Variants in PCDHGA1 observed in about 807,000 individuals in gnomAD.
PCDHGA1 encodes the protein protocadherin gamma-A1.
Under a neutral mutation model 58.0 loss-of-function variants are expected in PCDHGA1, and 32 were observed. That is an observed-to-expected ratio of 0.55 (90% CI 0.42 to 0.74). The LOEUF (loss-of-function observed/expected upper bound fraction) is 0.74, where lower values mean the gene tolerates loss of function less well. Among genes scored for constraint, PCDHGA1 ranks in the 30% least tolerant of loss-of-function variants. The probability of loss-of-function intolerance (pLI) is 0.00; values close to 1 mark genes in which losing one functional copy is unlikely to be tolerated. For synonymous variants in PCDHGA1, 498 were observed against 501.1 expected (o/e 0.99, Z 0.08); for missense variants, 1,205 against 1,182.3 (o/e 1.02, Z -0.28).
chr5:141,341,261 C>G, intron 1 of PCDHGA1: 1 of 1,614,198 alleles, frequency 6.2e-7, no homozygotes, highest in Non-Finnish European at 8.5e-7. Context: ...TGCGGACTCG[C>G]GGAAGAGCCA....
At chr5:141,364,497 C>T (rs768698440) in intron 1 of PCDHGA1, 1 of 1,614,016 alleles carries the variant, frequency 6.2e-7, no homozygotes. Flanking sequence ...GGGCTGGAGC[C>T]CCAGGAGCTG....
At chr5:141,394,530 A>C in intron 1 of PCDHGA1, 1 of 1,614,140 alleles carries the variant, frequency 6.2e-7, no homozygotes, top group African/African-American at 1.3e-5. Flanking sequence ...AGACGGTTCC[A>C]CTGGCGTGGA....
intron 1 of PCDHGA1, 162 bp from the exon 2 acceptor site, chr5:141,494,645 G>A: frequency 1.1e-6 from 1 of 935,948 alleles, no homozygotes. Flanking sequence ...GAGACCTGAG[G>A]TGTATTTTGT....
chr5:141,486,637 G>A lies in PCDHGA1; in HGVS notation c.2422-8170G>A, dbSNP rs761072169. On this transcript the variant is annotated intron_variant, in intron 1 of 3. Transcript: ENST00000517417. The surrounding 1 kb of genome is among the most constrained non-coding windows in gnomAD (Gnocchi z 5.0). ...CTGACCCAGACTCTGGCTTGAATGC[G>A]CTTATCTCCTACTCACTCCTGGAGC... 3.1e-5 allele frequency: 50 copies of A among 1,613,520 alleles called. No individual in the cohort carries two copies. The highest frequency in any genetic ancestry group is 5.0e-5 in the Admixed American group (3 of 60,000).
rs1257609378 is a variant in PCDHGA1 at position 141,385,552 on chromosome 5, T to TA, written c.2421+52447_2421+52448insA. Reference sequence around the variant, plus strand: ...ATTATGAATATGTGGACTATCACATTTTATAATTTCCACCTACTTTCCAAT... The same window carrying TA: ...ATTATGAATATGTGGACTATCACATTATTATAATTTCCACCTACTTTCCAAT... On this transcript the variant is annotated intron_variant, in intron 1 of 3. Transcript: ENST00000517417. 1.1e-5 allele frequency: 14 copies of TA among 1,315,750 alleles called. No individual in the cohort carries two copies. The African/African-American group carries it at 2.1e-4, about 20-fold the overall frequency. The allele number at this position is 1,315,750 out of a possible 1,614,324, so 81.5% of individuals were successfully genotyped here. A position where few individuals can be genotyped will look rare whatever the true frequency, so the allele number is the denominator to read the frequency against.
rs1210809217 is a variant in PCDHGA1 at position 141,432,990 on chromosome 5, A to G, written c.2422-61817A>G. The G allele has an allele frequency of 6.2e-7, 1 of 1,614,152 alleles. No individual in the cohort carries two copies. The highest frequency in any genetic ancestry group is 1.7e-5 in the Admixed American group (1 of 60,022). ...CCGGCGTCGCACTTTGTGGGCGTGGACGGGGTGCAGGCTTTCCTGCAGACC... is the reference window on the plus strand; with the variant it reads ...CCGGCGTCGCACTTTGTGGGCGTGGGCGGGGTGCAGGCTTTCCTGCAGACC... On this transcript the variant is annotated intron_variant, in intron 1 of 3. Transcript: ENST00000517417. This position sits in a 1 kb window ranked among gnomAD's most constrained non-coding sequence, Gnocchi z 6.0.
intron 1 of PCDHGA1, among the ~76,000 whole-genome samples, chr5:141,433,404 T>TATCTATCA (rs757435896): frequency 6.8e-6 from 1 of 146,200 alleles, no homozygotes; most frequent in Non-Finnish European, 1.5e-5. Flanking sequence ...TCTATCTATC[T>TATCTATCA]ATTACTTTCT....
intron 1 of PCDHGA1, among the ~76,000 whole-genome samples, chr5:141,433,664 C>G (rs1027404017): frequency 6.6e-6 from 1 of 151,966 alleles, no homozygotes; most frequent in South Asian, 2.1e-4. Flanking sequence ...GGAGAAACCC[C>G]GTCTATACTA....
intron 1 of PCDHGA1, chr5:141,400,082 C>A: frequency 1.2e-6 from 2 of 1,614,016 alleles, no homozygotes; most frequent in Non-Finnish European, 1.7e-6. Flanking sequence ...CCACTCTCCG[C>A]CACCGCCACG....
At chr5:141,510,062 G>GA (rs1448334820) in intron 3 of PCDHGA1, among the ~76,000 whole-genome samples, 1 of 152,150 alleles carries the variant, frequency 6.6e-6, no homozygotes. Flanking sequence ...TTGTGCATGT[G>GA]AAGCATCCAG....
At chr5:141,384,519 G>T in intron 1 of PCDHGA1, 3 of 1,614,220 alleles carry the variant, frequency 1.9e-6, no homozygotes, top group Non-Finnish European at 2.5e-6. Context: ...GCGGGGACCC[G>T]CCTCTCAGCA....
chr5:141,408,877 C>T (rs1476847671), intron 1 of PCDHGA1: 4 of 1,613,308 alleles, frequency 2.5e-6, no homozygotes, highest in Admixed American at 3.3e-5. Flanking sequence ...GAAGTGCCAC[C>T]GCTCACATAG....
At chr5:141,472,000 C>T (rs935165645) in intron 1 of PCDHGA1, among the ~76,000 whole-genome samples, 3 of 151,852 alleles carry the variant, frequency 2.0e-5, no homozygotes, top group African/African-American at 4.8e-5. Flanking sequence ...ATCCCTGCAT[C>T]GTATAGGGGC....
In PCDHGA1 at chr5:141,487,000, G is replaced by T. The variant is rs1410493699; in HGVS notation, c.2422-7807G>T. 2 of 1,614,076 alleles carry T rather than the reference G, an allele frequency of 1.2e-6. No homozygotes were observed. Among genetic ancestry groups the T allele is most frequent in the Non-Finnish European group, 1.7e-6 (2 of 1,180,044 alleles). On this transcript the variant is annotated intron_variant, in intron 1 of 3. Coordinates refer to ENST00000517417, the MANE Select transcript of PCDHGA1 (RefSeq NM_018912.3). The surrounding 1 kb of genome is among the most constrained non-coding windows in gnomAD (Gnocchi z 5.0). Reference sequence around the variant, plus strand: ...GTTACAATGCTTGGGTTTCCTATCAGCTCCTGGAGGCCCCAGATCCCAGCC... The same window carrying T: ...GTTACAATGCTTGGGTTTCCTATCATCTCCTGGAGGCCCCAGATCCCAGCC...
intron 1 of PCDHGA1, among the ~76,000 whole-genome samples, chr5:141,358,517 T>C (rs1342877087): frequency 6.6e-6 from 1 of 152,238 alleles, no homozygotes; most frequent in African/African-American, 2.4e-5. Flanking sequence ...CTCAATGAAC[T>C]GGTATATTTC....
intron 1 of PCDHGA1, among the ~76,000 whole-genome samples, chr5:141,380,921 T>G (rs1014548780): frequency 6.6e-6 from 1 of 152,238 alleles, no homozygotes; most frequent in African/African-American, 2.4e-5. Flanking sequence ...CATTGTTTAA[T>G]AATCATACAC....
chr5:141,330,939 C>T lies in PCDHGA1; in HGVS notation c.255C>T (p.Ile85=). The T allele has an allele frequency of 6.2e-7, 1 of 1,614,234 alleles. No individual in the cohort carries two copies. Reference sequence around the variant, plus strand: ...TGAATCCTAGAAGTGGCAGCTTGATCACCGCGCGCAGGATAGACCGGGAGG... The same window carrying T: ...TGAATCCTAGAAGTGGCAGCTTGATTACCGCGCGCAGGATAGACCGGGAGG... ...FALNPRSGSL[I]TARRIDREEL... Residue 85 remains isoleucine, a synonymous_variant, in exon 1 of 4, where the codon ATC becomes ATT. Transcript: ENST00000517417.
Position 141,477,657 on chromosome 5 carries a change from G to C in PCDHGA1, c.2422-17150G>C. 4 of 1,614,190 alleles carry C rather than the reference G, an allele frequency of 2.5e-6. No individual in the cohort carries two copies. Among genetic ancestry groups the C allele is most frequent in the Non-Finnish European group, 3.4e-6 (4 of 1,180,038 alleles). The stretch of plus-strand genomic sequence containing the variant: ...GTGGGTCGCTATTTCACAATAAATC[G>C]TGACAATGGCATAGTGTCATCCTTA... On this transcript the variant is annotated intron_variant, in intron 1 of 3. Coordinates refer to ENST00000517417, the MANE Select transcript of PCDHGA1 (RefSeq NM_018912.3). The surrounding 1 kb of genome is among the most constrained non-coding windows in gnomAD (Gnocchi z 4.9).
chr5:141,503,222 G>T (rs540244346), intron 2 of PCDHGA1, among the ~76,000 whole-genome samples: 1 of 152,120 alleles, frequency 6.6e-6, no homozygotes, highest in East Asian at 1.9e-4. Context: ...CATGAGCACC[G>T]TAAAGATGGA....
Sources: gnomAD v4.1 joint callset for allele counts (sites outside exome capture counted in the v4.1 genomes callset) on GRCh38, gnomAD v4.1.1 for gene constraint, Gnocchi (gnomAD v3.1) non-coding constraint, MANE v1.5 for transcripts, NCBI Gene and HGNC (gene_info 2026-07-23, HGNC 2026-07-21) for gene names.